DDX11: variants seen among roughly 807,000 people sequenced by gnomAD.
DDX11 encodes ATP-dependent DNA helicase DDX11.
DDX11 carries 72 observed loss-of-function variants against 125.2 expected under a neutral mutation model. The observed-to-expected ratio is 0.58, with a 90% CI of 0.48 to 0.70. The LOEUF (loss-of-function observed/expected upper bound fraction) is 0.70. Ranked by LOEUF, DDX11 falls within the 30% of genes least tolerant of loss-of-function variation. The probability of loss-of-function intolerance (pLI) is 0.00; values close to 1 mark genes in which losing one functional copy is unlikely to be tolerated. For missense variants in DDX11, 883 were observed against 1,165.0 expected (o/e 0.76, Z 3.52); for synonymous variants, 347 against 452.6 (o/e 0.77, Z 2.96).
At chr12:31,078,751 G>A (rs371159957) in intron 2 of DDX11, among the ~76,000 whole-genome samples, 2 of 150,380 alleles carry the variant, frequency 1.3e-5, no homozygotes, top group Admixed American at 6.7e-5. Context: ...GCAGTGGGAC[G>A]ATCTCGGCTC....
intron 5 of DDX11, among the ~76,000 whole-genome samples, chr12:31,086,736 A>T (rs990615094): frequency 4.0e-5 from 6 of 148,650 alleles, no homozygotes; most frequent in African/African-American, 1.5e-4. Context: ...GGGGCTTCCC[A>T]TGCCCTCACG....
Position 31,103,809 on chromosome 12 carries a change from T to C in DDX11, c.2694T>C (p.Phe898=), listed in dbSNP as rs1240175476. 1.4e-5 allele frequency: 23 copies of C among 1,613,700 alleles called. No homozygotes were observed. Among genetic ancestry groups the C allele is most frequent in the Non-Finnish European group, 1.9e-5 (22 of 1,179,846 alleles). Residue 898 remains phenylalanine (F), a splice_region_variant and synonymous_variant, in exon 27 of 27, where the codon TTT becomes TTC. Transcript: ENST00000542838. The stretch of plus-strand genomic sequence containing the variant: ...CTCACTGCCTTCTGTCTGCCCAGTT[T>C]CACCGGGAGAAGTCGGCCTCTTCCT... The part of the protein sequence containing the change: ...FGPAIAAVQK[F]HREKSASS
intron 18 of DDX11, among the ~76,000 whole-genome samples, chr12:31,099,090 T>C (rs1438989964): frequency 2.5e-3 from 284 of 114,244 alleles, no homozygotes; most frequent in Non-Finnish European, 3.9e-3. Context: ...CTTTCTTTTT[T>C]TTTTTTTTTT....
chr12:31,077,198 G>A (rs1044113388), intron 1 of DDX11, among the ~76,000 whole-genome samples: 1 of 152,048 alleles, frequency 6.6e-6, no homozygotes, highest in African/African-American at 2.4e-5. Flanking sequence ...AGAGAGAGGT[G>A]TGGGAACCAG....
chr12:31,090,136 C>G, intron 9 of DDX11, 42 bp downstream of exon 9: 1 of 1,547,762 alleles, frequency 6.5e-7, no homozygotes, highest in Non-Finnish European at 8.7e-7. Flanking sequence ...TTGACTCTCA[C>G]TGTGGTCTAG....
chr12:31,094,695 G>A, intron 13 of DDX11, 60 bp from the exon 14 acceptor site: 1 of 1,563,386 alleles, frequency 6.4e-7, no homozygotes, highest in Non-Finnish European at 8.7e-7. Flanking sequence ...GCTTAACCCT[G>A]GGACTGAAAC....
intron 3 of DDX11, 129 bp from the exon 4 acceptor site, chr12:31,084,454 C>T (rs1348971096): frequency 9.1e-6 from 8 of 875,680 alleles, no homozygotes; most frequent in Middle Eastern, 2.4e-4. Context: ...TGCGGCAGCC[C>T]TTGAGTGCTG....
chr12:31,100,784 C>T (rs1374509080), intron 19 of DDX11, 77 bp downstream of exon 19: 1 of 1,518,674 alleles, frequency 6.6e-7, no homozygotes, highest in Non-Finnish European at 8.9e-7. Flanking sequence ...ATACCTCATA[C>T]TGCGACCAGG....
At chr12:31,083,481 G>T (rs540392266) in intron 2 of DDX11, among the ~76,000 whole-genome samples, 2 of 152,206 alleles carry the variant, frequency 1.3e-5, no homozygotes, top group South Asian at 4.1e-4. Flanking sequence ...TCTTTTAGGG[G>T]ACTTTTTGTC....
At chr12:31,097,548 T>C (rs1945503660) in intron 17 of DDX11, among the ~76,000 whole-genome samples, 1 of 148,322 alleles carries the variant, frequency 6.7e-6, no homozygotes, top group African/African-American at 2.5e-5. Flanking sequence ...GGTGTGGTGG[T>C]GGGTGCCTGT....
chr12:31,093,123 G>A (rs1268082228), intron 11 of DDX11, 122 bp from the exon 12 acceptor site: 4 of 1,192,010 alleles, frequency 3.4e-6, no homozygotes, highest in East Asian at 2.6e-5. Context: ...CTGCTCTCTG[G>A]GAAAGGATTT....
Position 31,085,134 on chromosome 12 carries a change from A to C in DDX11, c.638+8A>C. The C allele has an allele frequency of 6.4e-7, 1 of 1,555,462 alleles. No individual in the cohort carries two copies. ...GAAAAAGGTGGCGAGCAGGTGAGAC[A>C]GAGGCGGTAGCACTACCCTGCCCCA... On this transcript the variant is annotated splice_region_variant and intron_variant, in intron 5 of 26. Coordinates refer to ENST00000542838, the MANE Select transcript of DDX11 (RefSeq NM_030653.4).
At chr12:31,077,487 G>A (rs1185503195) in intron 1 of DDX11, among the ~76,000 whole-genome samples, 1 of 151,776 alleles carries the variant, frequency 6.6e-6, no homozygotes, top group African/African-American at 2.4e-5. Context: ...AGTAGGTGGT[G>A]GCTCTGTTCG....
At chr12:31,091,990 G>C (rs1808349) in intron 10 of DDX11, 119 bp downstream of exon 10, 1 of 1,423,934 alleles carries the variant, frequency 7.0e-7, no homozygotes, top group Non-Finnish European at 9.8e-7. Flanking sequence ...GAGGGTGCAC[G>C]AGTCAAGGCG....
Position 31,097,867 on chromosome 12 carries a change from A to G in DDX11, c.1763-18A>G, listed in dbSNP as rs1181143474. The G allele has an allele frequency of 1.3e-6, 2 of 1,572,576 alleles. No homozygotes were observed. The highest frequency in any genetic ancestry group is 1.7e-5 in the Admixed American group (1 of 59,672). On this transcript the variant is annotated intron_variant, in intron 17 of 26. Coordinates refer to ENST00000542838, the MANE Select transcript of DDX11 (RefSeq NM_030653.4). ...TCTGTTGGGCTTGCACTCACCTCCC[A>G]CCGATCTGTTTTTCCAGGCAGCCTC...
chr12:31,098,873 A>G lies in DDX11; in HGVS notation c.1875+876A>G, dbSNP rs1394149210. ...GCCCGGTCAGTCTCGCCTCCAGCACAGCAGAATGTCATGGGATCACCATGG... is the reference window on the plus strand; with the variant it reads ...GCCCGGTCAGTCTCGCCTCCAGCACGGCAGAATGTCATGGGATCACCATGG... On this transcript the variant is annotated intron_variant, in intron 18 of 26. Coordinates refer to ENST00000542838, the MANE Select transcript of DDX11 (RefSeq NM_030653.4). Among the ~76,000 whole-genome samples, 18 of 152,112 alleles carry G rather than the reference A, an allele frequency of 1.2e-4. No homozygotes were observed. The East Asian group carries it at 2.9e-3, about 25-fold the overall frequency.
intron 14 of DDX11, among the ~76,000 whole-genome samples, chr12:31,095,352 GCT>G (rs1945039116): frequency 6.6e-6 from 1 of 152,214 alleles, no homozygotes; most frequent in African/African-American, 2.4e-5. Context: ...CATGTGCTGT[GCT>G]CTGAGCTAGG....
chr12:31,076,017 C>T (rs1156355532), intron 1 of DDX11, among the ~76,000 whole-genome samples: 1 of 152,074 alleles, frequency 6.6e-6, no homozygotes, highest in African/African-American at 2.4e-5. Flanking sequence ...AGGACTCCTT[C>T]TCCAGGCCAA....
chr12:31,091,785 C>A lies in DDX11; in HGVS notation c.1156C>A (p.Gln386Lys). ...ATRQAAGIRL[Q>K]DQVVIIDEAH... ...TCGGCAGGCCGCGGGCATCCGGCTG[C>A]AGGACCAGGTGGTGATCATCGACGA... Residue 386 changes from glutamine (Q) to lysine (K), a missense_variant, in exon 10 of 27, where the codon CAG (glutamine) becomes AAG (lysine). Around this residue, in one of 5 missense-constraint regions of DDX11, gnomAD observed 72 missense variants for 159.7 expected, o/e 0.45. Coordinates refer to ENST00000542838, the MANE Select transcript of DDX11 (RefSeq NM_030653.4). 6.2e-7 allele frequency: 1 copy of A among 1,613,836 alleles called. No individual in the cohort carries two copies.
Sources: allele counts gnomAD v4.1 joint callset (sites outside exome capture counted in the v4.1 genomes callset), GRCh38; gene constraint gnomAD v4.1.1; regional missense constraint gnomAD v4.1.1; transcripts MANE v1.5; gene names NCBI Gene and HGNC (gene_info 2026-07-23, HGNC 2026-07-21).